The following MCPH1 variants were observed in gnomAD, a reference collection of about 807,000 sequenced individuals.
MCPH1 encodes the protein microcephalin 1, also known as microcephalin.
A neutral mutation model predicts 84.5 loss-of-function variants in MCPH1; 104 were observed. The ratio of observed to expected loss-of-function variants is 1.23; its 90% CI spans 1.05 to 1.45. The LOEUF is 1.45. Among genes scored for constraint, MCPH1 ranks in the 40% most tolerant of loss-of-function variants. The pLI is 0.00. For synonymous variants in MCPH1, 514 were observed against 366.8 expected, an observed-to-expected ratio of 1.40 and a Z score of -4.58; for missense variants, 1,498 against 1,005.7, an observed-to-expected ratio of 1.49 and a Z score of -6.62.
At chr8:6,417,730 C>T (rs1799519386) in intron 3 of MCPH1, among the ~76,000 whole-genome samples, 1 of 152,136 alleles carries the variant, frequency 6.6e-6, no homozygotes, top group African/African-American at 2.4e-5. Context: ...TTTTCTATTA[C>T]CTCGATGAGT....
At chr8:6,412,727 C>A (rs1338842767) in intron 2 of MCPH1, among the ~76,000 whole-genome samples, 1 of 152,194 alleles carries the variant, frequency 6.6e-6, no homozygotes, top group Non-Finnish European at 1.5e-5. Context: ...ATGCTAGACT[C>A]ATCTCTCTAG....
intron 12 of MCPH1, among the ~76,000 whole-genome samples, chr8:6,568,762 G>T (rs183138325): frequency 2.0e-5 from 3 of 152,282 alleles, no homozygotes; most frequent in African/African-American, 7.2e-5. Flanking sequence ...ACTGTCTCCC[G>T]CCTGCCGTCC....
chr8:6,570,341 G>A lies in MCPH1; in HGVS notation c.2215-51113G>A, dbSNP rs540640277. 3.3e-5 allele frequency among the ~76,000 whole-genome samples: 5 copies of A among 152,280 alleles called. No homozygotes were observed. The East Asian group carries it at 9.6e-4, about 29-fold the overall frequency. On this transcript the variant is annotated intron_variant, in intron 12 of 13. Coordinates refer to ENST00000344683, the MANE Select transcript of MCPH1 (RefSeq NM_024596.5). ...CTTAGAATTGGGCATTGACTCCGTA[G>A]AATTCCCCTTTGTACAAGGTGAGCA...
rs531964639 is a variant in MCPH1 at position 6,468,631 on chromosome 8, A to G, written c.1936-8963A>G. On this transcript the variant is annotated intron_variant, in intron 9 of 13. Coordinates refer to ENST00000344683, the MANE Select transcript of MCPH1 (RefSeq NM_024596.5). ...TAGACACTAATGATGAACTACTTGG[A>G]TGTACATTTTTTTGGTTTTTTTTTT... Among the ~76,000 whole-genome samples the G allele has an allele frequency of 8.2e-5, 12 of 146,058 alleles. No homozygotes were observed. The South Asian group carries it at 2.6e-3, about 32-fold the overall frequency.
At chr8:6,466,871 C>T (rs1257482304) in intron 9 of MCPH1, among the ~76,000 whole-genome samples, 1 of 152,218 alleles carries the variant, frequency 6.6e-6, no homozygotes, top group African/African-American at 2.4e-5. Context: ...CCAACGCGCC[C>T]TGCCCTCAAT....
At chr8:6,623,312 T>G (rs541061231) in intron 13 of MCPH1, among the ~76,000 whole-genome samples, 2 of 152,002 alleles carry the variant, frequency 1.3e-5, no homozygotes, top group Non-Finnish European at 2.9e-5. Context: ...GGGGCCAAGA[T>G]CCTTACCCGA....
At chr8:6,519,500 C>T (rs1489042610) in intron 12 of MCPH1, among the ~76,000 whole-genome samples, 1 of 152,166 alleles carries the variant, frequency 6.6e-6, no homozygotes, top group Non-Finnish European at 1.5e-5. Context: ...GGCTGATGCA[C>T]TATGGTTGTT....
At chr8:6,625,119 C>G (rs186241312) in intron 13 of MCPH1, 94 of 885,148 alleles carry the variant, frequency 1.1e-4, no homozygotes, top group Non-Finnish European at 1.2e-4. Flanking sequence ...AAGTGATCCT[C>G]CTGCCTCGGC....
At chr8:6,593,559 G>T (rs188517315) in intron 12 of MCPH1, among the ~76,000 whole-genome samples, 137 of 149,440 alleles carry the variant, frequency 9.2e-4, no homozygotes, top group Middle Eastern at 3.6e-3. Flanking sequence ...TAATTATGTT[G>T]TCCAGGCTAG....
At chr8:6,505,847 T>C (rs1379247861) in intron 12 of MCPH1, among the ~76,000 whole-genome samples, 1 of 138,968 alleles carries the variant, frequency 7.2e-6, no homozygotes, top group Non-Finnish European at 1.5e-5. Context: ...ATATTCTTTA[T>C]ATATGTATAT....
At chr8:6,523,359 C>A (rs901292373) in intron 12 of MCPH1, among the ~76,000 whole-genome samples, 3 of 152,096 alleles carry the variant, frequency 2.0e-5, no homozygotes, top group African/African-American at 7.2e-5. Flanking sequence ...TCCTAAGATA[C>A]TTTATTAATG....
chr8:6,471,903 G>T (rs561371417), intron 9 of MCPH1, among the ~76,000 whole-genome samples: 1 of 152,300 alleles, frequency 6.6e-6, no homozygotes, highest in South Asian at 2.1e-4. Flanking sequence ...GAAATCTGTA[G>T]GTGACAAAAG....
intron 12 of MCPH1, among the ~76,000 whole-genome samples, chr8:6,567,616 G>C (rs982830675): frequency 1.8e-4 from 28 of 152,328 alleles, no homozygotes; most frequent in African/African-American, 6.5e-4. Context: ...TGGAGACATG[G>C]TCTGCCAGGC....
chr8:6,600,590 G>A (rs1173055928), intron 12 of MCPH1, among the ~76,000 whole-genome samples: 1 of 152,238 alleles, frequency 6.6e-6, no homozygotes, highest in Non-Finnish European at 1.5e-5. Flanking sequence ...ATCTTCCTAG[G>A]TGGGGCAGGG....
chr8:6,419,158 C>G lies in MCPH1; in HGVS notation c.233+4275C>G, dbSNP rs866848368. 4.2e-3 allele frequency among the ~76,000 whole-genome samples: 116 copies of G among 27,434 alleles called. No individual in the cohort carries two copies. In the East Asian group the frequency reaches 0.2, roughly 48 times the overall value. The allele number at this position is 27,434 out of a possible 152,430, so 18.0% of individuals were successfully genotyped here. ...ACACACACACACACACACAGACACA[C>G]ACACACACACACACACACACACACA... On this transcript the variant is annotated intron_variant, in intron 3 of 13. Transcript: ENST00000344683.
chr8:6,521,531 G>T, intron 12 of MCPH1: 1 of 723,276 alleles, frequency 1.4e-6, no homozygotes, highest in Non-Finnish European at 2.2e-6. Context: ...AAAGTAATAT[G>T]ATGTTACCAG....
At chr8:6,425,347 A>T (rs923347894) in intron 3 of MCPH1, among the ~76,000 whole-genome samples, 12 of 152,224 alleles carry the variant, frequency 7.9e-5, no homozygotes, top group African/African-American at 2.9e-4. Flanking sequence ...TAGAAATCTA[A>T]CTGGAAGCTT....
chr8:6,520,111 G>C (rs1029874891), intron 12 of MCPH1: 23 of 1,137,200 alleles, frequency 2.0e-5, no homozygotes, highest in South Asian at 9.4e-5. Flanking sequence ...TAAGCAAAAG[G>C]CTGTACCACT....
chr8:6,556,546 G>A (rs12546072), intron 12 of MCPH1, among the ~76,000 whole-genome samples: 18,445 of 152,082 alleles, frequency 0.12, 1,261 homozygotes, highest in South Asian at 0.17. Flanking sequence ...CATACTAGCT[G>A]CTGCTACACT....
Sources: gnomAD v4.1 joint callset for allele counts (sites outside exome capture counted in the v4.1 genomes callset) on GRCh38, gnomAD v4.1.1 for gene constraint, MANE v1.5 for transcripts, NCBI Gene and HGNC (gene_info 2026-07-23, HGNC 2026-07-21) for gene names.